Variants in HOOK3 observed in about 807,000 individuals in gnomAD.
The protein encoded by HOOK3 is protein Hook homolog 3.
In HOOK3, 24 loss-of-function variants were observed where a neutral mutation model predicts 116.3. The ratio of observed to expected loss-of-function variants is 0.21; its 90% CI spans 0.15 to 0.29. The LOEUF is 0.29. Among genes scored for constraint, HOOK3 ranks in the 10% least tolerant of loss-of-function variants. The pLI is 1.00. For missense variants in HOOK3, 632 were observed against 830.2 expected (o/e 0.76, Z 2.93); for synonymous variants, 275 against 283.0 (o/e 0.97, Z 0.28).
intron 4 of HOOK3, among the ~76,000 whole-genome samples, chr8:42,931,484 T>C (rs1177976875): frequency 6.9e-6 from 1 of 145,120 alleles, no homozygotes; most frequent in African/African-American, 2.6e-5. Context: ...CAGTGTGGAG[T>C]GCAGTGGCGC....
intron 2 of HOOK3, among the ~76,000 whole-genome samples, chr8:42,914,445 T>A (rs754897051): frequency 1.9e-4 from 29 of 152,176 alleles, no homozygotes; most frequent in Non-Finnish European, 3.2e-4. Flanking sequence ...CACAATCTGT[T>A]TTCTATTTAC....
chr8:42,910,590 T>C (rs187310882), intron 2 of HOOK3, among the ~76,000 whole-genome samples: 86 of 152,366 alleles, frequency 5.6e-4, no homozygotes, highest in African/African-American at 1.5e-3. Flanking sequence ...AATCATACAG[T>C]ATGTACTCTT....
intron 7 of HOOK3, among the ~76,000 whole-genome samples, chr8:42,957,737 C>T (rs574701279): frequency 1.3e-5 from 2 of 151,700 alleles, no homozygotes; most frequent in African/African-American, 4.8e-5. Flanking sequence ...ATTAAATGCT[C>T]TAAGAACTAC....
chr8:42,919,953 G>GTT (rs71550428), intron 2 of HOOK3, among the ~76,000 whole-genome samples: 26 of 145,140 alleles, frequency 1.8e-4, no homozygotes, highest in African/African-American at 3.5e-4. Flanking sequence ...GAGGGAGAGG[G>GTT]TTTTTTTTTT....
intron 14 of HOOK3, among the ~76,000 whole-genome samples, chr8:42,986,313 G>A (rs982844870): frequency 6.6e-6 from 1 of 152,088 alleles, no homozygotes; most frequent in Non-Finnish European, 1.5e-5. Context: ...TAAGATCATA[G>A]CATCATTAGA....
chr8:42,910,908 T>C (rs1016758676), intron 2 of HOOK3, among the ~76,000 whole-genome samples: 3 of 150,382 alleles, frequency 2.0e-5, no homozygotes, highest in Non-Finnish European at 4.5e-5. Context: ...ACAAGGTATA[T>C]TTTTAACTCG....
chr8:42,964,283 T>C, intron 8 of HOOK3, 28 bp from the exon 9 acceptor site: 1 of 1,611,374 alleles, frequency 6.2e-7, no homozygotes, highest in Non-Finnish European at 8.5e-7. Flanking sequence ...TTGGAAGAAA[T>C]AACTGCCGTC....
intron 15 of HOOK3, among the ~76,000 whole-genome samples, chr8:42,988,178 C>T (rs1175556064): frequency 6.6e-6 from 1 of 152,126 alleles, no homozygotes; most frequent in Non-Finnish European, 1.5e-5. Flanking sequence ...TCTGAGGAGT[C>T]TAGAGAAATG....
intron 6 of HOOK3, among the ~76,000 whole-genome samples, chr8:42,956,293 C>T (rs1007663212): frequency 4.0e-5 from 6 of 149,160 alleles, no homozygotes; most frequent in South Asian, 2.1e-4. Context: ...CAGTAATTTT[C>T]GCTAATACTG....
chr8:42,924,443 T>G (rs1193699121), intron 2 of HOOK3, among the ~76,000 whole-genome samples: 1 of 152,156 alleles, frequency 6.6e-6, no homozygotes, highest in Non-Finnish European at 1.5e-5. Flanking sequence ...TTCAATATGT[T>G]TGTCCACACC....
chr8:42,928,280 A>G (rs76623607), intron 3 of HOOK3, among the ~76,000 whole-genome samples: 5 of 144,304 alleles, frequency 3.5e-5, no homozygotes, highest in African/African-American at 1.0e-4. Context: ...TCTGTCTCAG[A>G]AAAAAAAAAA....
Position 42,943,293 on chromosome 8 carries a change from A to G in HOOK3, c.268-20A>G. ...TCATATAAATGTAAATGCAATTATAATCCTTTTATCTCCATTCAGATTTTA... is the reference window on the plus strand; with the variant it reads ...TCATATAAATGTAAATGCAATTATAGTCCTTTTATCTCCATTCAGATTTTA... On this transcript the variant is annotated intron_variant, in intron 4 of 21. Transcript: ENST00000307602. The G allele has an allele frequency of 4.2e-6, 6 of 1,424,828 alleles. No homozygotes were observed. The highest frequency in any genetic ancestry group is 5.6e-6 in the Non-Finnish European group (6 of 1,074,598). 88.3% of individuals were successfully genotyped at this position (1,424,828 alleles called of 1,614,324 possible).
chr8:42,924,085 C>A (rs1344777169), intron 2 of HOOK3, among the ~76,000 whole-genome samples: 1 of 151,840 alleles, frequency 6.6e-6, no homozygotes, highest in Non-Finnish European at 1.5e-5. Context: ...AAAGTTGAAA[C>A]ATACATTTTT....
intron 6 of HOOK3, among the ~76,000 whole-genome samples, chr8:42,951,725 G>A (rs1249798198): frequency 2.6e-5 from 4 of 151,996 alleles, no homozygotes; most frequent in East Asian, 1.9e-4. Flanking sequence ...GGCGGATCAC[G>A]AGGTCAAGAG....
At chr8:42,956,972 C>T (rs1808448581) in intron 6 of HOOK3, 122 bp from the exon 7 acceptor site, 1 of 497,758 alleles carries the variant, frequency 2.0e-6, no homozygotes, top group African/African-American at 2.0e-5. Context: ...GTTTTACATG[C>T]ATGTTTTCAT....
intron 4 of HOOK3, among the ~76,000 whole-genome samples, chr8:42,939,575 AC>A (rs1274765288): frequency 1.6e-5 from 2 of 123,038 alleles, no homozygotes; most frequent in South Asian, 2.8e-4. Context: ...CGGGGGGCTG[AC>A]CCCCCCACCT....
rs1808780470 is a variant in HOOK3, at chr8:42,974,367, A to G, written c.1321+173A>G. Among the ~76,000 whole-genome samples the G allele has an allele frequency of 2.6e-5, 4 of 152,062 alleles. No individual in the cohort carries two copies. The South Asian group carries it at 6.2e-4, about 24-fold the overall frequency. On this transcript the variant is annotated intron_variant, in intron 13 of 21. Coordinates refer to ENST00000307602, the MANE Select transcript of HOOK3 (RefSeq NM_032410.4). ...GCGATTCTCCTGCCTCAGCCTCCCA[A>G]GTAGTTGGGATTACAGCCACACCAC...
intron 1 of HOOK3, among the ~76,000 whole-genome samples, chr8:42,898,297 A>C (rs1807096215): frequency 6.6e-6 from 1 of 152,230 alleles, no homozygotes; most frequent in Non-Finnish European, 1.5e-5. Context: ...GACTTGGTAG[A>C]GCTTGAGTAG....
At chr8:42,961,971 G>T (rs553851925) in intron 8 of HOOK3, among the ~76,000 whole-genome samples, 1 of 152,120 alleles carries the variant, frequency 6.6e-6, no homozygotes, top group South Asian at 2.1e-4. Context: ...ATGTTTCGTA[G>T]AGTTGGGGTT....
Sources: gnomAD v4.1 joint callset for allele counts (sites outside exome capture counted in the v4.1 genomes callset) on GRCh38, gnomAD v4.1.1 for gene constraint, MANE v1.5 for transcripts, NCBI Gene and HGNC (gene_info 2026-07-23, HGNC 2026-07-21) for gene names.